Variants in GRID2 observed in about 807,000 individuals in gnomAD.
The protein encoded by GRID2 is glutamate receptor ionotropic, delta-2.
Under a neutral mutation model 114.8 loss-of-function variants are expected in GRID2, and 33 were observed. That is an observed-to-expected ratio of 0.29 (90% CI 0.22 to 0.38). GRID2 has a LOEUF of 0.38. Ranked by LOEUF, GRID2 falls within the 10% of genes least tolerant of loss-of-function variation. GRID2 has a pLI of 1.00. For synonymous variants in GRID2, 505 were observed against 449.9 expected (o/e 1.12, Z -1.55); for missense variants, 1,184 against 1,257.7 (o/e 0.94, Z 0.89).
At chr4:92,834,735 T>C (rs1371183304) in intron 2 of GRID2, among the ~76,000 whole-genome samples, 1 of 152,180 alleles carries the variant, frequency 6.6e-6, no homozygotes, top group African/African-American at 2.4e-5. Flanking sequence ...AGTACTAATA[T>C]TTCTTTGTGT....
chr4:93,464,441 A>G (rs1724071973), intron 11 of GRID2, among the ~76,000 whole-genome samples: 1 of 152,172 alleles, frequency 6.6e-6, no homozygotes, highest in Admixed American at 6.5e-5. Flanking sequence ...GCATCCTTAA[A>G]ACCCAATTAT....
intron 2 of GRID2, among the ~76,000 whole-genome samples, chr4:92,711,483 A>C (rs1482511236): frequency 6.6e-6 from 1 of 152,224 alleles, no homozygotes; most frequent in Non-Finnish European, 1.5e-5. Flanking sequence ...CTGCTTCTAA[A>C]GGCCACTCTC....
intron 2 of GRID2, among the ~76,000 whole-genome samples, chr4:92,750,738 TTAG>T (rs1737411653): frequency 1.3e-5 from 2 of 152,188 alleles, no homozygotes; most frequent in Admixed American, 6.5e-5. Context: ...TTATCAACTA[TTAG>T]TTGATTTTGA....
At chr4:92,660,001 G>A (rs192383973) in intron 2 of GRID2, among the ~76,000 whole-genome samples, 42 of 151,392 alleles carry the variant, frequency 2.8e-4, no homozygotes, top group African/African-American at 8.7e-4. Context: ...TCTGTTTTCC[G>A]AAATTTTGTA....
chr4:93,790,550 A>ATTT (rs5860348), intron 1 of GRID2, among the ~76,000 whole-genome samples: 7 of 148,050 alleles, frequency 4.7e-5, no homozygotes, highest in Admixed American at 1.3e-4. Flanking sequence ...TTTAACTATA[A>ATTT]TTTTTTTTTT....
chr4:93,186,140 G>C (rs559196537), intron 4 of GRID2, among the ~76,000 whole-genome samples: 1 of 152,208 alleles, frequency 6.6e-6, no homozygotes, highest in Non-Finnish European at 1.5e-5. Flanking sequence ...TCTTAATCCA[G>C]TCTATCAATG....
Position 93,772,064 on chromosome 4 carries a change from C to T in GRID2, c.2602-12C>T. 4.5e-6 allele frequency: 7 copies of T among 1,553,070 alleles called. No individual in the cohort carries two copies. Among genetic ancestry groups the T allele is most frequent in the South Asian group, 2.3e-5 (2 of 87,942 alleles). Reference sequence around the variant, plus strand: ...CTGATGAGAACCTTATTTTCTTTTTCTTCATCTCCAGGATGACAAGGAAAT... The same window carrying T: ...CTGATGAGAACCTTATTTTCTTTTTTTTCATCTCCAGGATGACAAGGAAAT... On this transcript the variant is annotated splice_polypyrimidine_tract_variant and intron_variant, in intron 15 of 15. Coordinates refer to ENST00000282020, the MANE Select transcript of GRID2 (RefSeq NM_001510.4).
chr4:93,695,045 C>G (rs1726893809), intron 14 of GRID2, among the ~76,000 whole-genome samples: 1 of 151,932 alleles, frequency 6.6e-6, no homozygotes, highest in South Asian at 2.1e-4. Flanking sequence ...GTGGCGGGCG[C>G]CATTAGTCCC....
At chr4:92,479,911 T>C (rs1009578938) in intron 1 of GRID2, among the ~76,000 whole-genome samples, 1 of 152,144 alleles carries the variant, frequency 6.6e-6, no homozygotes, top group African/African-American at 2.4e-5. Flanking sequence ...TTCAAATAAA[T>C]ATCAAATGTT....
At chr4:93,062,001 G>C (rs1379444788) in intron 2 of GRID2, among the ~76,000 whole-genome samples, 2 of 152,090 alleles carry the variant, frequency 1.3e-5, no homozygotes, top group Non-Finnish European at 2.9e-5. Flanking sequence ...CCTGTCCTGT[G>C]GCTCAGCTAG....
intron 2 of GRID2, among the ~76,000 whole-genome samples, chr4:92,932,114 G>A (rs965498483): frequency 6.6e-6 from 1 of 151,044 alleles, no homozygotes; most frequent in African/African-American, 2.4e-5. Context: ...TTGCAATTAA[G>A]CATATGAATA....
chr4:93,109,166 A>C lies in GRID2; in HGVS notation c.530-1582A>C, dbSNP rs537716547. Among the ~76,000 whole-genome samples the C allele has an allele frequency of 1.3e-4, 20 of 152,286 alleles. No individual in the cohort carries two copies. In the South Asian group the frequency reaches 4.1e-3, roughly 32 times the overall value. On this transcript the variant is annotated intron_variant, in intron 3 of 15. Transcript: ENST00000282020. ...TATGTACATTCTGACTTGGATATTG[A>C]ATGAATACATAACACCTTTATTATT...
At chr4:92,734,256 ACT>A (rs1736478505) in intron 2 of GRID2, among the ~76,000 whole-genome samples, 1 of 151,600 alleles carries the variant, frequency 6.6e-6, no homozygotes, top group Non-Finnish European at 1.5e-5. Context: ...AATGTGCATC[ACT>A]CTATTTTTTT....
intron 1 of GRID2, among the ~76,000 whole-genome samples, chr4:92,372,591 C>G (rs1729169132): frequency 6.6e-6 from 1 of 152,128 alleles, no homozygotes; most frequent in South Asian, 2.1e-4. Flanking sequence ...AAACGTGACT[C>G]TTGCATGTAC....
intron 8 of GRID2, among the ~76,000 whole-genome samples, chr4:93,269,117 AT>A (rs1413981540): frequency 1.3e-5 from 2 of 152,142 alleles, no homozygotes; most frequent in Admixed American, 1.3e-4. Flanking sequence ...TTTCAGGAGA[AT>A]TTTATTAAAT....
exon 2 of GRID2, chr4:93,809,603 T>G (rs185752899): frequency 6.6e-6 from 1 of 152,278 alleles, no homozygotes; most frequent in African/African-American, 2.4e-5. Flanking sequence ...TACAATTCAT[T>G]CTTCAGCTTC....
At chr4:92,613,939 T>C (rs1729877646) in intron 2 of GRID2, among the ~76,000 whole-genome samples, 2 of 151,684 alleles carry the variant, frequency 1.3e-5, no homozygotes, top group African/African-American at 4.8e-5. Context: ...TGCATATTTA[T>C]GTGATACATA....
chr4:92,441,817 G>T (rs1022728447), intron 1 of GRID2, among the ~76,000 whole-genome samples: 3 of 145,690 alleles, frequency 2.1e-5, no homozygotes, highest in Non-Finnish European at 3.0e-5. Context: ...GGGTTAAGGT[G>T]GGGGGATACA....
chr4:92,692,191 T>C (rs1237941507), intron 2 of GRID2, among the ~76,000 whole-genome samples: 1 of 152,150 alleles, frequency 6.6e-6, no homozygotes, highest in Non-Finnish European at 1.5e-5. Context: ...AGAAACAAAT[T>C]AGACAAATGA....
Sources: gnomAD v4.1 joint callset for allele counts (sites outside exome capture counted in the v4.1 genomes callset) on GRCh38, gnomAD v4.1.1 for gene constraint, MANE v1.5 for transcripts, NCBI Gene and HGNC (gene_info 2026-07-23, HGNC 2026-07-21) for gene names.